Variants in SRP72 observed in about 807,000 individuals in gnomAD.
SRP72 encodes the protein signal recognition particle subunit SRP72.
A neutral mutation model predicts 96.3 loss-of-function variants in SRP72; 49 were observed. The observed-to-expected ratio is 0.51, with a 90% CI of 0.40 to 0.65. The LOEUF (loss-of-function observed/expected upper bound fraction) is 0.65. Among genes scored for constraint, SRP72 ranks in the 30% least tolerant of loss-of-function variants. The pLI is 0.00. For missense variants in SRP72, 736 were observed against 793.3 expected, an observed-to-expected ratio of 0.93 and a Z score of 0.87; for synonymous variants, 267 against 275.2, an observed-to-expected ratio of 0.97 and a Z score of 0.30.
At chr4:56,491,639 A>C in intron 16 of SRP72, 71 bp downstream of exon 16, 67 of 1,449,930 alleles carry the variant, frequency 4.6e-5, no homozygotes, top group Non-Finnish European at 5.7e-5. Flanking sequence ...ATACATTCTC[A>C]TAGAAATTTC....
At chr4:56,482,434 C>T (rs146841623) in intron 8 of SRP72, among the ~76,000 whole-genome samples, 7 of 143,258 alleles carry the variant, frequency 4.9e-5, no homozygotes, top group African/African-American at 1.3e-4. Context: ...GGTGACAGAG[C>T]GAGACTCCAT....
chr4:56,479,519 C>CTT (rs750135655), intron 8 of SRP72, among the ~76,000 whole-genome samples: 18 of 138,014 alleles, frequency 1.3e-4, no homozygotes, highest in African/African-American at 3.2e-4. Flanking sequence ...TTCTTTCTTT[C>CTT]TTTTTTTTTT....
rs773723388 is a variant in SRP72 at position 56,469,692 on chromosome 4, G to A, written c.149G>A (p.Cys50Tyr). Residue 50 changes from cysteine to tyrosine, a missense_variant, in exon 2 of 19, where the codon TGT (cysteine) becomes TAT (tyrosine). Physicochemically the swap from Cys to Tyr is radical, Grantham distance 194. Coordinates refer to ENST00000642900, the MANE Select transcript of SRP72 (RefSeq NM_006947.4). The stretch of plus-strand genomic sequence containing the variant: ...AAAGATGACGTAACTGCCCTGCATT[G>A]TAAAGTGGTATGCCTTATCCAGAAT... Reference protein sequence around the residue: ...INKDDVTALHCKVVCLIQNGS... With the variant: ...INKDDVTALHYKVVCLIQNGS... 9.3e-6 allele frequency: 15 copies of A among 1,612,050 alleles called. No homozygotes were observed. The Admixed American group carries it at 2.5e-4, about 27-fold the overall frequency.
intron 1 of SRP72, among the ~76,000 whole-genome samples, 197 bp from the exon 2 acceptor site, chr4:56,469,456 C>T (rs1319148283): frequency 6.6e-6 from 1 of 152,122 alleles, no homozygotes; most frequent in Non-Finnish European, 1.5e-5. Context: ...ATTGTCACTT[C>T]TTAAGTTAAA....
At chr4:56,478,103 A>G (rs982725647) in intron 6 of SRP72, among the ~76,000 whole-genome samples, 2 of 150,652 alleles carry the variant, frequency 1.3e-5, no homozygotes, top group Admixed American at 6.6e-5. Context: ...TGATCAATAA[A>G]TGGTAGTCCT....
intron 10 of SRP72, among the ~76,000 whole-genome samples, chr4:56,485,575 C>G (rs1269949204): frequency 6.6e-6 from 1 of 152,012 alleles, no homozygotes; most frequent in Non-Finnish European, 1.5e-5. Flanking sequence ...CCCAATCAGG[C>G]AGATCATCTG....
At position 56,490,028 on chromosome 4, in the gene SRP72, TGA is replaced by T. The variant is rs552956009; in HGVS notation, c.1321-302_1321-301del. Among the ~76,000 whole-genome samples the T allele has an allele frequency of 6.5e-3, 982 of 152,124 alleles. 14 individuals are homozygous for T. Among genetic ancestry groups the T allele is most frequent in the African/African-American group, 0.023 (935 of 41,546 alleles). On this transcript the variant is annotated intron_variant, in intron 13 of 18. Coordinates refer to ENST00000642900, the MANE Select transcript of SRP72 (RefSeq NM_006947.4). ...GAAAGTATTATATTAAATTAATGTT[TGA>T]GAACTATGGTGGCATATCTTTAAGA...
intron 11 of SRP72, among the ~76,000 whole-genome samples, chr4:56,487,046 A>G (rs1720734613): frequency 1.3e-5 from 2 of 152,246 alleles, no homozygotes; most frequent in Non-Finnish European, 2.9e-5. Context: ...TTAGAAGCTT[A>G]GTAGCTATAT....
intron 3 of SRP72, among the ~76,000 whole-genome samples, chr4:56,473,608 A>G (rs1015583247): frequency 6.6e-6 from 1 of 151,668 alleles, no homozygotes; most frequent in African/African-American, 2.4e-5. Context: ...TCTACTAAAA[A>G]TACAAAATTA....
Position 56,488,005 on chromosome 4 carries a change from C to T in SRP72, c.1216C>T (p.Pro406Ser). The T allele has an allele frequency of 6.3e-7, 1 of 1,596,838 alleles. No homozygotes were observed. The change falls in exon 12 of 19, where the codon CCA (proline) becomes TCA (serine). Residue 406 changes from proline to serine, a missense_variant. Physicochemically the swap from Pro to Ser is moderately conservative, Grantham distance 74. Around this residue, in one of 3 missense-constraint regions of SRP72, gnomAD observed 388 missense variants for 431.8 expected, o/e 0.90. Transcript: ENST00000642900. Reference protein sequence around the residue: ...LRSIEELKHKPGMVSALVTMY... With the variant: ...LRSIEELKHKSGMVSALVTMY... ...AAGCATAGAGGAGTTAAAGCATAAACCAGGCATGGTGAGTTTTAAAAATTA... is the reference window on the plus strand; with the variant it reads ...AAGCATAGAGGAGTTAAAGCATAAATCAGGCATGGTGAGTTTTAAAAATTA...
intron 12 of SRP72, chr4:56,489,057 A>G (rs1465068780): frequency 1.1e-5 from 2 of 181,508 alleles, no homozygotes; most frequent in African/African-American, 2.3e-5. Context: ...CTCACTGATC[A>G]TACACTTAAA....
At chr4:56,490,521 C>T in intron 14 of SRP72, 47 bp from the exon 15 acceptor site, 2 of 1,598,292 alleles carry the variant, frequency 1.3e-6, no homozygotes, top group Non-Finnish European at 1.7e-6. Flanking sequence ...ATATTACTTT[C>T]TCCAGTTTTA....
chr4:56,501,967 C>T lies in SRP72; in HGVS notation c.*106C>T, dbSNP rs912778672. 8.7e-7 allele frequency: 1 copy of T among 1,150,942 alleles called. No individual in the cohort carries two copies. The highest frequency in any genetic ancestry group is 1.3e-6 in the Non-Finnish European group (1 of 795,210). The allele number at this position is 1,150,942 out of a possible 1,614,324, so 71.3% of individuals were successfully genotyped here. ...CACAGAACTACTCCCTCTTCATCTCCATATTTTCATAATTTCTTGTGTTTC... is the reference window on the plus strand; with the variant it reads ...CACAGAACTACTCCCTCTTCATCTCTATATTTTCATAATTTCTTGTGTTTC... On this transcript the variant is annotated 3_prime_UTR_variant, in exon 19 of 19. Transcript: ENST00000642900.
At chr4:56,484,612 C>T in intron 9 of SRP72, 124 bp from the exon 10 acceptor site, 1 of 1,257,798 alleles carries the variant, frequency 8.0e-7, no homozygotes, top group South Asian at 1.3e-5. Context: ...TTCTCTTACC[C>T]TAGGCAGTTC....
chr4:56,477,650 C>T (rs572102827), intron 6 of SRP72, among the ~76,000 whole-genome samples: 1 of 152,196 alleles, frequency 6.6e-6, no homozygotes, highest in African/African-American at 2.4e-5. Flanking sequence ...AACACAACTG[C>T]ATAATGGGTT....
At position 56,501,739 on chromosome 4, in the gene SRP72, G is replaced by A. The variant is rs1222272778; in HGVS notation, c.1894G>A (p.Ala632Thr). The change falls in exon 19 of 19, where the codon GCA becomes ACA. Residue 632 changes from alanine (A) to threonine (T), a missense_variant. Coordinates refer to ENST00000642900, the MANE Select transcript of SRP72 (RefSeq NM_006947.4). Reference protein sequence around the residue: ...PPTSPRPGSAATVSASTSNII... With the variant: ...PPTSPRPGSATTVSASTSNII... ...CACCTCCCCAAGACCTGGCAGTGCT[G>A]CAACAGTATCTGCCTCTACAAGTAA... The A allele has an allele frequency of 1.2e-6, 2 of 1,613,934 alleles. No individual in the cohort carries two copies. The highest frequency in any genetic ancestry group is 1.1e-5 in the South Asian group (1 of 91,076).
intron 11 of SRP72, among the ~76,000 whole-genome samples, chr4:56,487,125 G>C (rs1025658107): frequency 6.6e-6 from 1 of 152,134 alleles, no homozygotes; most frequent in African/African-American, 2.4e-5. Context: ...AAGTTCTGTC[G>C]AACAGCTCTG....
intron 9 of SRP72, 110 bp from the exon 10 acceptor site, chr4:56,484,626 G>T: frequency 7.1e-7 from 1 of 1,401,662 alleles, no homozygotes; most frequent in Non-Finnish European, 9.9e-7. Flanking sequence ...GCAGTTCTTT[G>T]GTTAATATTT....
At chr4:56,488,556 A>G (rs1720798665) in intron 12 of SRP72, among the ~76,000 whole-genome samples, 1 of 152,148 alleles carries the variant, frequency 6.6e-6, no homozygotes, top group South Asian at 2.1e-4. Flanking sequence ...GCTTTCCCTT[A>G]AAGATTCATA....
Sources: allele counts gnomAD v4.1 joint callset (sites outside exome capture counted in the v4.1 genomes callset), GRCh38; gene constraint gnomAD v4.1.1; regional missense constraint gnomAD v4.1.1; transcripts MANE v1.5; gene names NCBI Gene and HGNC (gene_info 2026-07-23, HGNC 2026-07-21).